The following RBFOX3 variants were observed in gnomAD, a reference collection of about 807,000 sequenced individuals.
RBFOX3 encodes the protein RNA binding protein fox-1 homolog 3.
RBFOX3 carries 17 observed loss-of-function variants against 48.7 expected under a neutral mutation model. That is an observed-to-expected ratio of 0.35 (90% CI 0.24 to 0.52). RBFOX3 has a LOEUF of 0.52. Among genes scored for constraint, RBFOX3 ranks in the 20% least tolerant of loss-of-function variants. The pLI, the probability that RBFOX3 is intolerant of heterozygous loss-of-function variation, is 0.94. For synonymous variants in RBFOX3, 212 were observed against 209.5 expected (o/e 1.01, Z -0.10); for missense variants, 382 against 497.5 (o/e 0.77, Z 2.21).
intron 1 of RBFOX3, among the ~76,000 whole-genome samples, chr17:79,505,092 G>T (rs1765121890): frequency 6.6e-6 from 1 of 152,168 alleles, no homozygotes; most frequent in Non-Finnish European, 1.5e-5. Context: ...GCCCAGGGCA[G>T]GCAGAGAAGT....
In RBFOX3 at chr17:79,115,636, G is replaced by A. The variant is rs368393347; in HGVS notation, c.80C>T (p.Pro27Leu). 2.5e-5 allele frequency: 36 copies of A among 1,437,742 alleles called. No homozygotes were observed. The South Asian group carries it at 3.3e-4, about 13-fold the overall frequency. The allele number at this position is 1,437,742 out of a possible 1,614,324, so 89.1% of individuals were successfully genotyped here. A position where few individuals can be genotyped will look rare whatever the true frequency, so the allele number is the denominator to read the frequency against. ...GIPAEYAPPP[P>L]HPTQDYSGQT... ...GCCGGAGTAGTCCTGCGTGGGGTGCGGTGGGGGCGGGGCGTACTCGGCAGG... is the reference window on the plus strand; with the variant it reads ...GCCGGAGTAGTCCTGCGTGGGGTGCAGTGGGGGCGGGGCGTACTCGGCAGG... Residue 27 changes from proline (P) to leucine (L), a missense_variant, in exon 5 of 15, where the codon CCG becomes CTG. Transcript: ENST00000693108.
chr17:79,471,884 A>G lies in RBFOX3; in HGVS notation c.-175+10570T>C, dbSNP rs1407310406. ...AGAACACTTCAAGAGAGGCGACTAAATCTCCACCAAGCACATTATATCAAA... is the reference window on the plus strand; with the variant it reads ...AGAACACTTCAAGAGAGGCGACTAAGTCTCCACCAAGCACATTATATCAAA... On this transcript the variant is annotated intron_variant, in intron 2 of 14. Transcript: ENST00000693108. This position sits in a 1 kb window ranked among gnomAD's most constrained non-coding sequence, Gnocchi z 4.0. Among the ~76,000 whole-genome samples, 1 of 152,208 alleles carries G rather than the reference A, an allele frequency of 6.6e-6. No individual in the cohort carries two copies. Among genetic ancestry groups the G allele is most frequent in the Non-Finnish European group, 1.5e-5 (1 of 68,040 alleles).
At chr17:79,146,801 G>A (rs534592149) in intron 4 of RBFOX3, among the ~76,000 whole-genome samples, 17 of 152,340 alleles carry the variant, frequency 1.1e-4, no homozygotes, top group African/African-American at 4.1e-4. Flanking sequence ...AGAAGCTGGG[G>A]AAGATGGTGG....
At chr17:79,166,986 G>C (rs1173440062) in intron 4 of RBFOX3, among the ~76,000 whole-genome samples, 1 of 152,152 alleles carries the variant, frequency 6.6e-6, no homozygotes, top group Non-Finnish European at 1.5e-5. Flanking sequence ...CGGGGGCCCA[G>C]AGACAGCCTC....
At chr17:79,453,044 C>T (rs2073835448) in intron 2 of RBFOX3, among the ~76,000 whole-genome samples, 1 of 152,220 alleles carries the variant, frequency 6.6e-6, no homozygotes, top group Non-Finnish European at 1.5e-5. Flanking sequence ...GGGGTGATCG[C>T]AGGGCCTCCC....
chr17:79,133,687 G>A (rs1018482373), intron 4 of RBFOX3, among the ~76,000 whole-genome samples: 3 of 152,306 alleles, frequency 2.0e-5, no homozygotes, highest in Non-Finnish European at 2.9e-5. Context: ...GTGAGTACAC[G>A]CAGCATCCGT....
intron 4 of RBFOX3, among the ~76,000 whole-genome samples, chr17:79,187,490 C>T (rs1227717189): frequency 6.6e-6 from 1 of 152,192 alleles, no homozygotes; most frequent in Non-Finnish European, 1.5e-5. Context: ...CAGAGCCAGA[C>T]CTTCCTGCCC....
At chr17:79,148,393 T>A (rs1434589031) in intron 4 of RBFOX3, among the ~76,000 whole-genome samples, 1 of 152,222 alleles carries the variant, frequency 6.6e-6, no homozygotes, top group Non-Finnish European at 1.5e-5. Flanking sequence ...GCCCCACTGC[T>A]GGGGCCTGGG....
chr17:79,625,973 T>C, the RBFOX3 span, among the ~76,000 whole-genome samples: 1 of 152,214 alleles, frequency 6.6e-6, no homozygotes, highest in East Asian at 1.9e-4. Context: ...GTGCTGTTTA[T>C]GGTTTTGCAG....
chr17:79,168,134 G>C (rs1470205219), intron 4 of RBFOX3, among the ~76,000 whole-genome samples: 2 of 152,150 alleles, frequency 1.3e-5, no homozygotes, highest in African/African-American at 4.8e-5. Context: ...CTGATGCCCC[G>C]ACCCTCGTTC....
At chr17:79,263,198 AGGG>A (rs2066092696) in intron 3 of RBFOX3, among the ~76,000 whole-genome samples, 1 of 152,158 alleles carries the variant, frequency 6.6e-6, no homozygotes, top group African/African-American at 2.4e-5. Flanking sequence ...CAACCTTTGG[AGGG>A]CTCAGGCTCT....
intron 4 of RBFOX3, among the ~76,000 whole-genome samples, chr17:79,206,093 C>G (rs8069116): frequency 0.27 from 41,627 of 151,946 alleles, 5,794 homozygotes; most frequent in Admixed American, 0.36. Context: ...TCAGAGGGTG[C>G]GAGGTAAAGC....
chr17:79,175,830 C>T (rs1478876651), intron 4 of RBFOX3, among the ~76,000 whole-genome samples: 1 of 152,262 alleles, frequency 6.6e-6, no homozygotes. Flanking sequence ...GCCCCAAAAG[C>T]TCTCTGGAGA....
At chr17:79,517,322 A>G (rs2085380848) in intron 1 of RBFOX3, among the ~76,000 whole-genome samples, 2 of 151,650 alleles carry the variant, frequency 1.3e-5, no homozygotes, top group African/African-American at 2.4e-5. Context: ...GCAGGTGCCT[A>G]TAATCCCAGC....
Position 79,373,012 on chromosome 17 carries a change from G to A in RBFOX3, c.-174-65188C>T, listed in dbSNP as rs1050002767. ...AGCCCAGCCCAGGGTGGATGGGGCC[G>A]GCCCACTGGACTTTTATCTCACTCC... On this transcript the variant is annotated intron_variant, in intron 2 of 14. Coordinates refer to ENST00000693108, the MANE Select transcript of RBFOX3 (RefSeq NM_001350451.2). 3.9e-5 allele frequency among the ~76,000 whole-genome samples: 6 copies of A among 152,152 alleles called. No homozygotes were observed. The South Asian group carries it at 6.2e-4, about 16-fold the overall frequency.
intron 4 of RBFOX3, among the ~76,000 whole-genome samples, chr17:79,122,901 A>G (rs1309805340): frequency 6.6e-6 from 1 of 152,254 alleles, no homozygotes; most frequent in Non-Finnish European, 1.5e-5. Flanking sequence ...TGTCATTTTC[A>G]ACAACATGGA....
At chr17:79,557,896 C>T (rs1199999884) in intron 1 of RBFOX3, among the ~76,000 whole-genome samples, 15 of 152,246 alleles carry the variant, frequency 9.9e-5, no homozygotes, top group East Asian at 7.7e-4. Context: ...GGTGGCGCTG[C>T]GGTTGTTTGC....
At chr17:79,517,510 G>A (rs980193599) in intron 1 of RBFOX3, among the ~76,000 whole-genome samples, 3 of 149,110 alleles carry the variant, frequency 2.0e-5, no homozygotes, top group South Asian at 2.2e-4. Context: ...AGGATGAGAC[G>A]AAAGGAAGAG....
intron 8 of RBFOX3, among the ~76,000 whole-genome samples, chr17:79,102,274 G>A (rs900076801): frequency 6.6e-6 from 1 of 152,214 alleles, no homozygotes; most frequent in South Asian, 2.1e-4. Flanking sequence ...GTGTGGGAGG[G>A]AGTCGAGAAT....
Sources: allele counts gnomAD v4.1 joint callset (sites outside exome capture counted in the v4.1 genomes callset), GRCh38; gene constraint gnomAD v4.1.1; non-coding constraint Gnocchi (gnomAD v3.1); transcripts MANE v1.5; gene names NCBI Gene and HGNC (gene_info 2026-07-23, HGNC 2026-07-21).